GAK: variants seen among roughly 807,000 people sequenced by gnomAD.
GAK encodes the protein cyclin G associated kinase.
Under a neutral mutation model 143.9 loss-of-function variants are expected in GAK, and 79 were observed. The observed-to-expected ratio is 0.55, with a 90% CI of 0.46 to 0.66. The LOEUF (loss-of-function observed/expected upper bound fraction) is 0.66. Ranked by LOEUF, GAK falls within the 30% of genes least tolerant of loss-of-function variation. The probability of loss-of-function intolerance (pLI) is 0.00; values close to 1 mark genes in which losing one functional copy is unlikely to be tolerated. For synonymous variants in GAK, 881 were observed against 765.5 expected, an observed-to-expected ratio of 1.15 and a Z score of -2.49; for missense variants, 1,693 against 1,779.7, an observed-to-expected ratio of 0.95 and a Z score of 0.88.
chr4:913,813 C>G, intron 1 of GAK, 145 bp from the exon 2 acceptor site: 1 of 664,084 alleles, frequency 1.5e-6, no homozygotes, highest in Admixed American at 2.2e-5. Context: ...CCAGCGTACA[C>G]GCCCCCCGCA....
intron 18 of GAK, among the ~76,000 whole-genome samples, chr4:871,118 C>T (rs893209046): frequency 2.6e-5 from 4 of 152,280 alleles, no homozygotes; most frequent in East Asian, 1.9e-4. Flanking sequence ...CCAGCACCCC[C>T]GGTCACGGCC....
chr4:925,312 C>A (rs1724538293), intron 1 of GAK, among the ~76,000 whole-genome samples: 1 of 152,098 alleles, frequency 6.6e-6, no homozygotes. Context: ...GGGCAACCTT[C>A]CCCCACACAG....
At chr4:896,589 C>T (rs774003339) in intron 6 of GAK, 40 bp from the exon 7 acceptor site, 13 of 1,473,024 alleles carry the variant, frequency 8.8e-6, no homozygotes, top group Non-Finnish European at 1.2e-5. Flanking sequence ...AGTTGCATCC[C>T]ACAAACAGTA....
chr4:913,699 G>T (rs775451603), intron 1 of GAK, 31 bp from the exon 2 acceptor site: 22 of 1,553,700 alleles, frequency 1.4e-5, no homozygotes, highest in Non-Finnish European at 2.0e-5. Flanking sequence ...TCAGTTCAAT[G>T]CTATGATTTT....
At chr4:923,716 C>T (rs1724242589) in intron 1 of GAK, among the ~76,000 whole-genome samples, 1 of 151,996 alleles carries the variant, frequency 6.6e-6, no homozygotes, top group Admixed American at 6.6e-5. Flanking sequence ...GGCACAGAGA[C>T]ATCAAATGCT....
intron 5 of GAK, among the ~76,000 whole-genome samples, chr4:903,299 C>T (rs777620762): frequency 3.3e-5 from 5 of 152,116 alleles, no homozygotes; most frequent in Non-Finnish European, 7.4e-5. Context: ...TCGGAGAAAC[C>T]CGTGGTGACA....
chr4:864,106 C>G (rs968730888), intron 23 of GAK, among the ~76,000 whole-genome samples: 1 of 152,200 alleles, frequency 6.6e-6, no homozygotes, highest in African/African-American at 2.4e-5. Context: ...CGCCTGTAAT[C>G]CCAGCACCCT....
chr4:903,980 C>A (rs977012421), intron 5 of GAK, among the ~76,000 whole-genome samples: 2 of 152,278 alleles, frequency 1.3e-5, no homozygotes, highest in African/African-American at 2.4e-5. Context: ...GGAAAAGCAA[C>A]GTTTCTGGAA....
chr4:883,273 A>G, intron 13 of GAK, 42 bp downstream of exon 13: 1 of 1,602,938 alleles, frequency 6.2e-7, no homozygotes, highest in Non-Finnish European at 8.5e-7. Context: ...GAGCGGAAGG[A>G]AGCTCCAGAG....
chr4:883,250 T>C (rs2152816508), intron 13 of GAK, 65 bp downstream of exon 13: 6 of 1,574,406 alleles, frequency 3.8e-6, no homozygotes, highest in Admixed American at 1.8e-5. Flanking sequence ...CCCTCAGCTA[T>C]GCCCCTGCAC....
chr4:850,380 T>TC (rs1747906751), intron 26 of GAK: 1 of 303,428 alleles, frequency 3.3e-6, no homozygotes. Flanking sequence ...GGCCCCAGAC[T>TC]CCGAGGGAGA....
intron 9 of GAK, among the ~76,000 whole-genome samples, chr4:890,875 C>A (rs1432818001): frequency 1.3e-5 from 2 of 152,126 alleles, no homozygotes; most frequent in Non-Finnish European, 2.9e-5. Flanking sequence ...TCCAGCCCAG[C>A]TTTTCAGACT....
intron 23 of GAK, among the ~76,000 whole-genome samples, chr4:863,190 G>T (rs1186413488): frequency 1.3e-5 from 2 of 152,250 alleles, no homozygotes; most frequent in African/African-American, 4.8e-5. Flanking sequence ...TTCAGTGCAG[G>T]AAGTCTCTGC....
rs1179938936 is a variant in GAK, at chr4:890,584, C to A, written c.1029G>T (p.Leu343=). Reference sequence around the variant, plus strand: ...CCACGGGAGGGGGTGGCCCTCGGGACAGTGTGGCGCTCCCGTAGCCTCCAT... The same window carrying A: ...CCACGGGAGGGGGTGGCCCTCGGGAAAGTGTGGCGCTCCCGTAGCCTCCAT... The part of the protein sequence containing the change: ...EQNGGYGSAT[L]SRGPPPPVGP... Residue 343 remains leucine (L), a synonymous_variant, in exon 10 of 28, where the codon CTG becomes CTT. Transcript: ENST00000314167. 1 of 1,611,556 alleles carries A rather than the reference C, an allele frequency of 6.2e-7. No individual in the cohort carries two copies. Among genetic ancestry groups the A allele is most frequent in the African/African-American group, 1.3e-5 (1 of 74,898 alleles).
intron 11 of GAK, chr4:888,283 C>A (rs556260504): frequency 1.8e-3 from 281 of 152,592 alleles, no homozygotes; most frequent in Non-Finnish European, 3.4e-3. Flanking sequence ...CTCAGAAGAG[C>A]CAGCGCATGG....
Position 881,941 on chromosome 4 carries a change from G to A in GAK, c.1627C>T (p.Arg543Cys), listed in dbSNP as rs760365448. 1.1e-5 allele frequency: 17 copies of A among 1,594,878 alleles called. No individual in the cohort carries two copies. Among genetic ancestry groups the A allele is most frequent in the African/African-American group, 5.4e-5 (4 of 74,684 alleles). The change falls in exon 15 of 28, where the codon CGC (arginine) becomes TGC (cysteine). Residue 543 changes from arginine (R) to cysteine (C), a missense_variant. Coordinates refer to ENST00000314167, the MANE Select transcript of GAK (RefSeq NM_005255.4). ...EAAVYMFSMK[R>C]CPPGIWPSHK... is the part of the protein sequence containing the mutation. ...GATGGCCAGATGCCTGGTGGGCAGC[G>A]CTTCATGCTGAACATGTACACGGCG... is the stretch of plus-strand genomic sequence containing the variant.
intron 5 of GAK, among the ~76,000 whole-genome samples, chr4:903,410 G>T (rs1720341823): frequency 2.0e-5 from 3 of 152,204 alleles, no homozygotes; most frequent in Admixed American, 1.3e-4. Flanking sequence ...AGTAGGCAAG[G>T]GGTCCGGCCC....
chr4:909,197 G>A (rs1721597994), intron 4 of GAK, among the ~76,000 whole-genome samples: 1 of 152,232 alleles, frequency 6.6e-6, no homozygotes, highest in African/African-American at 2.4e-5. Context: ...CTTTTATAAT[G>A]AAAACTGACA....
intron 14 of GAK, among the ~76,000 whole-genome samples, chr4:882,350 C>T (rs1424337528): frequency 6.6e-6 from 1 of 152,202 alleles, no homozygotes; most frequent in Non-Finnish European, 1.5e-5. Flanking sequence ...GCTGCCACAC[C>T]CTGGGAGGCT....
Sources: allele counts gnomAD v4.1 joint callset (sites outside exome capture counted in the v4.1 genomes callset), GRCh38; gene constraint gnomAD v4.1.1; transcripts MANE v1.5; gene names NCBI Gene and HGNC (gene_info 2026-07-23, HGNC 2026-07-21).